The following WDR89 variants were observed in gnomAD, a reference collection of about 807,000 sequenced individuals.
The protein encoded by WDR89 is WD repeat domain 89.
A neutral mutation model predicts 29.1 loss-of-function variants in WDR89; 17 were observed. The ratio of observed to expected loss-of-function variants is 0.58; its 90% CI spans 0.40 to 0.88. WDR89 has a LOEUF of 0.88. Ranked by LOEUF, WDR89 falls within the 40% of genes least tolerant of loss-of-function variation. The pLI is 0.00. For synonymous variants in WDR89, 138 were observed against 157.8 expected, an observed-to-expected ratio of 0.87 and a Z score of 0.94; for missense variants, 396 against 456.3, an observed-to-expected ratio of 0.87 and a Z score of 1.20.
chr14:63,626,453 G>A lies in WDR89; in HGVS notation c.-137-1420C>T, dbSNP rs566098419. On this transcript the variant is annotated intron_variant, in intron 1 of 2. Transcript: ENST00000620954. The stretch of plus-strand genomic sequence containing the variant: ...TGGGAGGCCAAGGTGGGCAGAACAC[G>A]ATCACATGAGCTCAAGAGTTTGAGA... 3.5e-4 allele frequency among the ~76,000 whole-genome samples: 52 copies of A among 150,630 alleles called. No homozygotes were observed. The South Asian group carries it at 9.5e-3, about 28-fold the overall frequency.
chr14:63,625,620 G>C (rs1405849377), intron 1 of WDR89, among the ~76,000 whole-genome samples: 1 of 152,106 alleles, frequency 6.6e-6, no homozygotes, highest in Non-Finnish European at 1.5e-5. Context: ...ACTGGGAAGG[G>C]GCATCCAAGA....
chr14:63,631,872 G>A (rs1228523522), intron 1 of WDR89, among the ~76,000 whole-genome samples: 1 of 152,136 alleles, frequency 6.6e-6, no homozygotes, highest in Non-Finnish European at 1.5e-5. Flanking sequence ...AGCACTTTGG[G>A]AGGCCTAGGC....
chr14:63,622,158 G>A (rs531136772), intron 2 of WDR89, among the ~76,000 whole-genome samples: 37 of 152,366 alleles, frequency 2.4e-4, no homozygotes, highest in African/African-American at 6.0e-4. Flanking sequence ...GCACCAGTCA[G>A]ATGCGGTGGC....
At chr14:63,629,342 G>A (rs1014851307) in intron 1 of WDR89, among the ~76,000 whole-genome samples, 2 of 152,106 alleles carry the variant, frequency 1.3e-5, no homozygotes, top group African/African-American at 4.8e-5. Context: ...TCTTTCTGAA[G>A]CTCTTGTATT....
intron 2 of WDR89, among the ~76,000 whole-genome samples, chr14:63,617,824 A>T (rs940656360): frequency 2.6e-5 from 4 of 152,202 alleles, no homozygotes; most frequent in Non-Finnish European, 4.4e-5. Context: ...CAACTGGTAC[A>T]TGCAACAATG....
intron 2 of WDR89, among the ~76,000 whole-genome samples, chr14:63,616,041 G>C (rs1035454137): frequency 6.6e-6 from 1 of 152,056 alleles, no homozygotes; most frequent in Non-Finnish European, 1.5e-5. Context: ...CCAGGAGTTT[G>C]AGACCAGCTT....
intron 2 of WDR89, among the ~76,000 whole-genome samples, chr14:63,611,720 A>T (rs149867619): frequency 0.013 from 1,963 of 151,800 alleles, 42 homozygotes; most frequent in African/African-American, 0.04. Flanking sequence ...AATTTTTTTT[A>T]AATTTTTATT....
intron 1 of WDR89, among the ~76,000 whole-genome samples, chr14:63,641,097 C>CAAAAAAA (rs57478091): frequency 1.1e-4 from 7 of 63,990 alleles, no homozygotes; most frequent in Admixed American, 1.9e-4. Context: ...GACTCCATCT[C>CAAAAAAA]AAAAAAAAAA....
At chr14:63,641,325 T>C (rs2139592349) in intron 1 of WDR89, 1 of 152,314 alleles carries the variant, frequency 6.6e-6, no homozygotes, top group African/African-American at 2.4e-5. Context: ...GTGGTTTAAA[T>C]GATATAATAG....
chr14:63,632,018 A>AGGAGAATTGCTTGAACCTG (rs1364040673), intron 1 of WDR89, among the ~76,000 whole-genome samples: 1 of 151,734 alleles, frequency 6.6e-6, no homozygotes, highest in African/African-American at 2.4e-5. Context: ...AGGCTAAGAC[A>AGGAGAATTGCTTGAACCTG]GGAGAATTGC....
At chr14:63,626,488 C>T (rs1166845687) in intron 1 of WDR89, among the ~76,000 whole-genome samples, 2 of 148,928 alleles carry the variant, frequency 1.3e-5, no homozygotes, top group Non-Finnish European at 3.0e-5. Context: ...ACCAGCCTGG[C>T]CAACATGGCA....
intron 1 of WDR89, 147 bp downstream of exon 1, chr14:63,641,657 C>A (rs955116968): frequency 2.0e-5 from 3 of 152,488 alleles, no homozygotes; most frequent in African/African-American, 7.2e-5. Flanking sequence ...AACACGTGCA[C>A]ACTCCGTCCA....
rs2139513658 is a variant in WDR89, at chr14:63,610,874, G to GT, written c.-31-10902dup. On this transcript the variant is annotated intron_variant, in intron 2 of 2. Transcript: ENST00000620954. ...GCACCACCACACCTGGCTAATTTTT[G>GT]TATTTCTAGTACAGATGGGGTTTCA... Among the ~76,000 whole-genome samples the GT allele has an allele frequency of 2.6e-5, 4 of 151,736 alleles. 1 individual carries two copies. Among genetic ancestry groups the GT allele is most frequent in the African/African-American group, 9.7e-5 (4 of 41,434 alleles).
At chr14:63,603,078 A>G (rs1364531293) in intron 2 of WDR89, among the ~76,000 whole-genome samples, 1 of 152,104 alleles carries the variant, frequency 6.6e-6, no homozygotes, top group Non-Finnish European at 1.5e-5. Flanking sequence ...TAAAATAGAA[A>G]TAAGCATTCC....
chr14:63,629,069 C>G (rs2139561981), intron 1 of WDR89, among the ~76,000 whole-genome samples: 1 of 152,304 alleles, frequency 6.6e-6, no homozygotes, highest in East Asian at 1.9e-4. Flanking sequence ...CCCTTCATCA[C>G]TTTCTTGGGT....
Position 63,637,866 on chromosome 14 carries a change from T to C in WDR89, c.-138+3938A>G, listed in dbSNP as rs530773165. Among the ~76,000 whole-genome samples the C allele has an allele frequency of 3.9e-5, 6 of 152,262 alleles. No individual in the cohort carries two copies. The South Asian group carries it at 1.2e-3, about 32-fold the overall frequency. ...GGTGTAGTGTATACTACTCAGGTGA[T>C]ACGTGCACCAAAATCTCACAAATCA... On this transcript the variant is annotated intron_variant, in intron 1 of 2. Coordinates refer to ENST00000620954, the MANE Select transcript of WDR89 (RefSeq NM_080666.4).
chr14:63,617,183 CG>C (rs1882374856), intron 2 of WDR89, among the ~76,000 whole-genome samples: 1 of 149,462 alleles, frequency 6.7e-6, no homozygotes, highest in African/African-American at 2.5e-5. Context: ...CAGGTACAAG[CG>C]ATTCTGTCTC....
At chr14:63,615,431 G>A (rs996868989) in intron 2 of WDR89, among the ~76,000 whole-genome samples, 7 of 152,086 alleles carry the variant, frequency 4.6e-5, no homozygotes, top group Admixed American at 2.6e-4. Flanking sequence ...TTGAAAAGAC[G>A]CTTTTAAGAA....
chr14:63,602,768 A>G (rs1342832934), intron 2 of WDR89, among the ~76,000 whole-genome samples: 1 of 143,588 alleles, frequency 7.0e-6, no homozygotes, highest in Admixed American at 6.7e-5. Context: ...GTGAAACTCC[A>G]TCTCAAAAAA....
Sources: gnomAD v4.1 joint callset for allele counts (sites outside exome capture counted in the v4.1 genomes callset) on GRCh38, gnomAD v4.1.1 for gene constraint, MANE v1.5 for transcripts, NCBI Gene and HGNC (gene_info 2026-07-23, HGNC 2026-07-21) for gene names.